Variants in CCDC88C observed in about 807,000 individuals in gnomAD.
The protein encoded by CCDC88C is coiled-coil and HOOK domain protein 88C.
A neutral mutation model predicts 198.8 loss-of-function variants in CCDC88C; 131 were observed. The ratio of observed to expected loss-of-function variants is 0.66; its 90% CI spans 0.57 to 0.76. The LOEUF (loss-of-function observed/expected upper bound fraction) is 0.76, where lower values mean the gene tolerates loss of function less well. Ranked by LOEUF, CCDC88C falls within the 30% of genes least tolerant of loss-of-function variation. CCDC88C has a pLI of 0.00. For synonymous variants in CCDC88C, 1,166 were observed against 1,114.7 expected (o/e 1.05, Z -0.92); for missense variants, 2,553 against 2,631.6 (o/e 0.97, Z 0.65).
intron 27 of CCDC88C, 108 bp from the exon 28 acceptor site, chr14:91,279,414 G>A: frequency 5.7e-6 from 5 of 878,682 alleles, no homozygotes; most frequent in Non-Finnish European, 8.7e-6. Context: ...CCAAAGCTAA[G>A]CCCAACGCCC....
intron 3 of CCDC88C, chr14:91,379,921 AG>A (rs1884681777): frequency 1.4e-6 from 1 of 702,854 alleles, no homozygotes; most frequent in African/African-American, 1.7e-5. Flanking sequence ...CTAAAGGAAA[AG>A]GCGTTTGGGG....
chr14:91,356,247 G>C (rs1171688496), intron 4 of CCDC88C, among the ~76,000 whole-genome samples: 1 of 152,126 alleles, frequency 6.6e-6, no homozygotes. Context: ...AGCCTCCTCT[G>C]CTCTCAGAGC....
chr14:91,366,318 T>C (rs549754462), intron 3 of CCDC88C, among the ~76,000 whole-genome samples: 10 of 152,114 alleles, frequency 6.6e-5, no homozygotes, highest in African/African-American at 2.4e-4. Context: ...AAGCCCCATC[T>C]CTACTAAAAA....
At chr14:91,392,461 G>C (rs1885564357) in intron 3 of CCDC88C, among the ~76,000 whole-genome samples, 1 of 152,124 alleles carries the variant, frequency 6.6e-6, no homozygotes, top group African/African-American at 2.4e-5. Context: ...AGAAACGAGA[G>C]AGGCTTCAGC....
intron 10 of CCDC88C, among the ~76,000 whole-genome samples, chr14:91,329,562 TTCATTCACAGGCAAGCA>T (rs1892725421): frequency 6.6e-6 from 1 of 152,178 alleles, no homozygotes; most frequent in Non-Finnish European, 1.5e-5. Context: ...GAAGCTCACG[TTCATTCACAGGCAAGCA>T]TCAAGTCATT....
rs1251575450 is a variant in CCDC88C at position 91,273,238 on chromosome 14, G to A, written c.5474C>T (p.Ser1825Phe). 5 of 1,560,046 alleles carry A rather than the reference G, an allele frequency of 3.2e-6. No homozygotes were observed. The Admixed American group carries it at 9.6e-5, about 30-fold the overall frequency. ...CTCAGGAGCCCCCAGCTTCTGAGGG[G>A]ACTCCTGTTTGCAGGCCTCTGGCCC... ...ASGPEACKQE[S>F]PQKLGAPEAL... is the part of the protein sequence containing the mutation. The change falls in exon 30 of 30, where the codon TCC becomes TTC. Residue 1825 changes from serine to phenylalanine, a missense_variant. This residue lies in a region of CCDC88C where 1,293 missense variants were observed against 1,219.6 expected (regional missense o/e 1.06). Coordinates refer to ENST00000389857, the MANE Select transcript of CCDC88C (RefSeq NM_001080414.4). This position sits in a 1 kb window ranked among gnomAD's most constrained non-coding sequence, Gnocchi z 5.6.
At position 91,313,637 on chromosome 14, in the gene CCDC88C, C is replaced by T; in HGVS notation, c.2179G>A (p.Glu727Lys). 6.2e-7 allele frequency: 1 copy of T among 1,612,720 alleles called. No homozygotes were observed. The highest frequency in any genetic ancestry group is 1.1e-5 in the South Asian group (1 of 91,086). Reference protein sequence around the residue: ...RFTSTKLAQMERENQQLEREK... With the variant: ...RFTSTKLAQMKRENQQLEREK... ...CGCTCCAGCTGCTGGTTCTCCCTCT[C>T]CATCTGTGCCAGCTTGGTGCTGGTG... Residue 727 changes from glutamate to lysine, a missense_variant, in exon 15 of 30, where the codon GAG (glutamate) becomes AAG (lysine). Glu to Lys is a moderately conservative substitution (Grantham distance 56). Around this residue, in one of 2 missense-constraint regions of CCDC88C, gnomAD observed 1,260 missense variants for 1,412.0 expected, o/e 0.89. Coordinates refer to ENST00000389857, the MANE Select transcript of CCDC88C (RefSeq NM_001080414.4). This position sits in a 1 kb window ranked among gnomAD's most constrained non-coding sequence, Gnocchi z 5.2.
intron 18 of CCDC88C, among the ~76,000 whole-genome samples, chr14:91,306,834 T>C (rs1427551797): frequency 2.6e-5 from 4 of 152,240 alleles, no homozygotes; most frequent in African/African-American, 9.6e-5. Flanking sequence ...CCATGAAGGC[T>C]GTGTGTGCCC....
chr14:91,377,311 C>T (rs560798403), intron 3 of CCDC88C, among the ~76,000 whole-genome samples: 53 of 152,340 alleles, frequency 3.5e-4, no homozygotes, highest in Non-Finnish European at 6.5e-4. Context: ...CAGCCTGAGG[C>T]CTGCTGTGAA....
rs114857328 is a variant in CCDC88C, at chr14:91,406,954, A to G, written c.270+1705T>C. Among the ~76,000 whole-genome samples the G allele has an allele frequency of 4.7e-3, 716 of 152,282 alleles. 6 individuals are homozygous for G. Among genetic ancestry groups the G allele is most frequent in the African/African-American group, 0.016 (657 of 41,566 alleles). On this transcript the variant is annotated intron_variant, in intron 3 of 29. Transcript: ENST00000389857. ...GCCCCCACCTCAGACATCTGGAACTAAAGGGATGGGGCTGGTTCTAAGCTT... is the reference window on the plus strand; with the variant it reads ...GCCCCCACCTCAGACATCTGGAACTGAAGGGATGGGGCTGGTTCTAAGCTT...
chr14:91,371,992 C>A lies in CCDC88C; in HGVS notation c.271-12281G>T, dbSNP rs777148117. Among the ~76,000 whole-genome samples, 12 of 152,188 alleles carry A rather than the reference C, an allele frequency of 7.9e-5. No homozygotes were observed. Among genetic ancestry groups the A allele is most frequent in the African/African-American group, 2.9e-4 (12 of 41,442 alleles). On this transcript the variant is annotated intron_variant, in intron 3 of 29. Transcript: ENST00000389857. The surrounding 1 kb of genome is among the most constrained non-coding windows in gnomAD (Gnocchi z 4.2). Reference sequence around the variant, plus strand: ...TGGGGGCAGCCAGCCCCCAACCTCACGCCCCAACCTGAGCCCAGGCCTCAG... The same window carrying A: ...TGGGGGCAGCCAGCCCCCAACCTCAAGCCCCAACCTGAGCCCAGGCCTCAG...
chr14:91,293,304 C>T (rs1267320981), intron 23 of CCDC88C, among the ~76,000 whole-genome samples: 28 of 119,292 alleles, frequency 2.3e-4, no homozygotes, highest in Admixed American at 1.2e-3. Context: ...TCACCTGCCA[C>T]GGCCCACCTT....
intron 6 of CCDC88C, among the ~76,000 whole-genome samples, chr14:91,341,661 T>C (rs1893313880): frequency 1.3e-5 from 2 of 152,232 alleles, no homozygotes; most frequent in African/African-American, 4.8e-5. Context: ...ACAATGCTTA[T>C]TTTGGAAGGA....
intron 3 of CCDC88C, among the ~76,000 whole-genome samples, chr14:91,400,064 G>A (rs950329055): frequency 6.6e-6 from 1 of 151,856 alleles, no homozygotes; most frequent in Non-Finnish European, 1.5e-5. Context: ...AGCTCTCCAG[G>A]ATCCCTGCTC....
chr14:91,374,422 CAT>C (rs566921148), intron 3 of CCDC88C, among the ~76,000 whole-genome samples: 5 of 152,178 alleles, frequency 3.3e-5, no homozygotes, highest in African/African-American at 7.2e-5. Flanking sequence ...ATATATGTCA[CAT>C]GTGTGTGTTA....
Position 91,352,542 on chromosome 14 carries a change from A to G in CCDC88C, c.340+7100T>C, listed in dbSNP as rs866183682. ...TTCTCTCTCAAGGATGAAAGAGGAAATTTTAGAACAATCAAAATGCCTGCA... is the reference window on the plus strand; with the variant it reads ...TTCTCTCTCAAGGATGAAAGAGGAAGTTTTAGAACAATCAAAATGCCTGCA... On this transcript the variant is annotated intron_variant, in intron 4 of 29. Transcript: ENST00000389857. The surrounding 1 kb of genome is among the most constrained non-coding windows in gnomAD (Gnocchi z 4.2). Among the ~76,000 whole-genome samples, 58 of 152,342 alleles carry G rather than the reference A, an allele frequency of 3.8e-4. No homozygotes were observed. Among genetic ancestry groups the G allele is most frequent in the African/African-American group, 1.3e-3 (56 of 41,578 alleles).
intron 4 of CCDC88C, among the ~76,000 whole-genome samples, chr14:91,348,661 A>T (rs1304957988): frequency 6.6e-6 from 1 of 152,200 alleles, no homozygotes; most frequent in Non-Finnish European, 1.5e-5. Flanking sequence ...TCTGACCCAC[A>T]GCACAGGTTA....
intron 29 of CCDC88C, among the ~76,000 whole-genome samples, chr14:91,276,111 C>T (rs981862545): frequency 2.6e-5 from 4 of 152,078 alleles, no homozygotes; most frequent in South Asian, 4.1e-4. Context: ...TGAGCCACCG[C>T]GCCCGGCCAG....
chr14:91,369,795 C>T (rs1284864548), intron 3 of CCDC88C, among the ~76,000 whole-genome samples: 1 of 152,200 alleles, frequency 6.6e-6, no homozygotes, highest in African/African-American at 2.4e-5. Context: ...TGTTCCACCT[C>T]ATTTCGATTA....
Sources: allele counts gnomAD v4.1 joint callset (sites outside exome capture counted in the v4.1 genomes callset), GRCh38; gene constraint gnomAD v4.1.1; regional missense constraint gnomAD v4.1.1; non-coding constraint Gnocchi (gnomAD v3.1); transcripts MANE v1.5; gene names NCBI Gene and HGNC (gene_info 2026-07-23, HGNC 2026-07-21).